Variants in LY75 observed in about 807,000 individuals in gnomAD.
LY75 encodes lymphocyte antigen 75.
LY75 carries 185 observed loss-of-function variants against 231.7 expected under a neutral mutation model. That is an observed-to-expected ratio of 0.80 (90% confidence interval 0.71 to 0.90). The LOEUF (loss-of-function observed/expected upper bound fraction) is 0.90. Among genes scored for constraint, LY75 ranks in the 40% least tolerant of loss-of-function variants. The probability of loss-of-function intolerance (pLI) is 0.00; values close to 1 mark genes in which losing one functional copy is unlikely to be tolerated. For missense variants in LY75, 1,947 were observed against 2,050.2 expected (o/e 0.95, Z 0.97); for synonymous variants, 668 against 689.0 (o/e 0.97, Z 0.48).
At chr2:159,866,112 T>C (rs1392468181) in intron 13 of LY75, among the ~76,000 whole-genome samples, 1 of 152,130 alleles carries the variant, frequency 6.6e-6, no homozygotes, top group African/African-American at 2.4e-5. Context: ...GTAAGTGTAA[T>C]ACAGATACAT....
chr2:159,872,649 G>A, intron 12 of LY75, 56 bp from the exon 13 acceptor site: 1 of 1,572,758 alleles, frequency 6.4e-7, no homozygotes, highest in East Asian at 2.2e-5. Flanking sequence ...GTATTTCATA[G>A]TGCTAAAGTC....
At chr2:159,869,846 G>A (rs1684958123) in intron 13 of LY75, among the ~76,000 whole-genome samples, 1 of 152,156 alleles carries the variant, frequency 6.6e-6, no homozygotes, top group Admixed American at 6.6e-5. Context: ...TGTATGTGTG[G>A]AAAATTTTGG....
intron 12 of LY75, among the ~76,000 whole-genome samples, chr2:159,875,004 T>C (rs1685219737): frequency 6.9e-6 from 1 of 143,938 alleles, no homozygotes; most frequent in Non-Finnish European, 1.5e-5. Flanking sequence ...AATATATATA[T>C]TGTATATATA....
At chr2:159,821,012 T>C (rs1394606753) in intron 28 of LY75, among the ~76,000 whole-genome samples, 1 of 152,110 alleles carries the variant, frequency 6.6e-6, no homozygotes, top group Non-Finnish European at 1.5e-5. Context: ...CTAACTTTTG[T>C]ATATTTTAGT....
chr2:159,881,502 G>T (rs986279033), intron 7 of LY75, among the ~76,000 whole-genome samples: 6 of 152,068 alleles, frequency 3.9e-5, no homozygotes, highest in African/African-American at 1.4e-4. Context: ...GCTTTGTGGG[G>T]TGAATGAAAT....
chr2:159,869,782 C>T (rs1451968772), intron 13 of LY75, among the ~76,000 whole-genome samples: 2 of 152,112 alleles, frequency 1.3e-5, no homozygotes, highest in African/African-American at 2.4e-5. Flanking sequence ...TTACAAAACA[C>T]GTTGTATAAA....
At chr2:159,821,284 A>G (rs917887485) in intron 28 of LY75, among the ~76,000 whole-genome samples, 6 of 152,076 alleles carry the variant, frequency 3.9e-5, no homozygotes, top group African/African-American at 9.7e-5. Flanking sequence ...TAGATCACAG[A>G]CATAAATATA....
rs1292021591 is a variant in LY75, at chr2:159,818,116, T to C, written c.4154-1084A>G. ...AATTGGAGAAAATAGACAAATATCC[T>C]GTGCAGAAGAATTTCAAGTAATTTA... On this transcript the variant is annotated intron_variant, in intron 29 of 34. Coordinates refer to ENST00000263636, the MANE Select transcript of LY75 (RefSeq NM_002349.4). Among the ~76,000 whole-genome samples, 5 of 152,260 alleles carry C rather than the reference T, an allele frequency of 3.3e-5. No homozygotes were observed. The East Asian group carries it at 7.7e-4, about 23-fold the overall frequency.
chr2:159,869,524 T>G (rs1316219895), intron 13 of LY75, among the ~76,000 whole-genome samples: 6 of 152,112 alleles, frequency 3.9e-5, no homozygotes, highest in Non-Finnish European at 8.8e-5. Context: ...GCTAAAATAT[T>G]TAGAGAAACT....
intron 20 of LY75, 27 bp downstream of exon 20, chr2:159,853,246 C>A: frequency 6.2e-7 from 1 of 1,603,118 alleles, no homozygotes; most frequent in Non-Finnish European, 8.5e-7. Flanking sequence ...ACATAATCAG[C>A]ATTAAAGGAT....
intron 25 of LY75, among the ~76,000 whole-genome samples, chr2:159,838,845 G>A (rs993125713): frequency 1.3e-5 from 2 of 152,034 alleles, no homozygotes; most frequent in African/African-American, 4.8e-5. Context: ...GCCCAGGCTG[G>A]AATGCAGTGG....
At chr2:159,824,065 A>G (rs752182199) in intron 28 of LY75, among the ~76,000 whole-genome samples, 7 of 152,218 alleles carry the variant, frequency 4.6e-5, no homozygotes, top group Non-Finnish European at 8.8e-5. Context: ...ATCAGCTAGC[A>G]TCATAATGAC....
chr2:159,872,035 G>GT (rs999267346), intron 13 of LY75: 26 of 156,186 alleles, frequency 1.7e-4, no homozygotes, highest in Admixed American at 3.2e-4. Context: ...CTTATGTTCT[G>GT]TTTTTTTTCT....
In LY75 at chr2:159,854,841, A is replaced by G. The variant is rs2357690; in HGVS notation, c.2419+63T>C. 9.0e-4 allele frequency: 1,426 copies of G among 1,591,890 alleles called. 32 individuals are homozygous for G. In the Admixed American group the frequency reaches 0.024, roughly 27 times the overall value. ...AGAAGAAGCTGGCACTTAAATAATT[A>G]ACTAAATGCATTAGTGACAAGGTAA... On this transcript the variant is annotated intron_variant, in intron 17 of 34. Transcript: ENST00000263636.
intron 32 of LY75, among the ~76,000 whole-genome samples, chr2:159,809,735 T>G (rs1418501686): frequency 1.3e-5 from 2 of 152,030 alleles, no homozygotes; most frequent in Non-Finnish European, 2.9e-5. Context: ...TGGAGCGCAG[T>G]GGCACAGTCT....
In LY75 at chr2:159,879,363, G is replaced by T. The variant is rs377386331; in HGVS notation, c.1411C>A (p.Gln471Lys). The change falls in exon 9 of 35, where the codon CAG (glutamine) becomes AAG (lysine). Residue 471 changes from glutamine (Q) to lysine (K), a missense_variant. Physicochemically the swap from Gln to Lys is moderately conservative, Grantham distance 53. Transcript: ENST00000263636. ...NCVSYLGELG[Q>K]WKVQSCEEKL... The stretch of plus-strand genomic sequence containing the variant: ...TCCTCACATGATTGGACTTTCCACT[G>T]ACCTAGCTTTGAAAGGAGACAAAAA... 4 of 1,612,620 alleles carry T rather than the reference G, an allele frequency of 2.5e-6. No homozygotes were observed. The African/African-American group carries it at 5.3e-5, about 22-fold the overall frequency.
In LY75 at chr2:159,853,340, T is replaced by C. The variant is rs1028378866; in HGVS notation, c.2676A>G (p.Pro892=). The change falls in exon 20 of 35, where the codon CCA becomes CCG. Residue 892 remains proline (P), a synonymous_variant. Coordinates refer to ENST00000263636, the MANE Select transcript of LY75 (RefSeq NM_002349.4). ...CAAATGTCACAGGAAAGCGGTGCCA[T>C]GGATATCGTGAGCTAAAAGAAAATG... The part of the protein sequence containing the change: ...IDDHFTYSRY[P]WHRFPVTFGE... The C allele has an allele frequency of 1.9e-6, 3 of 1,613,152 alleles. No individual in the cohort carries two copies. Among genetic ancestry groups the C allele is most frequent in the Admixed American group, 1.7e-5 (1 of 59,976 alleles).
intron 28 of LY75, among the ~76,000 whole-genome samples, chr2:159,823,427 C>A (rs1482137738): frequency 6.6e-6 from 1 of 152,138 alleles, no homozygotes; most frequent in Non-Finnish European, 1.5e-5. Flanking sequence ...TGAACAAAGC[C>A]TCCAAGAAAT....
intron 13 of LY75, among the ~76,000 whole-genome samples, chr2:159,869,381 G>A (rs989361322): frequency 8.5e-5 from 13 of 152,242 alleles, no homozygotes; most frequent in African/African-American, 3.1e-4. Flanking sequence ...AGTCACACTG[G>A]AGGCTTTGGT....
Sources: allele counts gnomAD v4.1 joint callset (sites outside exome capture counted in the v4.1 genomes callset), GRCh38; gene constraint gnomAD v4.1.1; transcripts MANE v1.5; gene names NCBI Gene and HGNC (gene_info 2026-07-23, HGNC 2026-07-21).